Variants in JAZF1 observed in about 807,000 individuals in gnomAD.
JAZF1 encodes juxtaposed with another zinc finger protein 1.
A neutral mutation model predicts 26.4 loss-of-function variants in JAZF1; 8 were observed. The ratio of observed to expected loss-of-function variants is 0.30; its 90% CI spans 0.18 to 0.55. The LOEUF (loss-of-function observed/expected upper bound fraction) is 0.55, where lower values mean the gene tolerates loss of function less well. JAZF1 is among the 20% of genes least tolerant of loss of function. The pLI is 0.94. For missense variants in JAZF1, 199 were observed against 322.0 expected (o/e 0.62, Z 2.92); for synonymous variants, 126 against 122.3 (o/e 1.03, Z -0.20).
intron 1 of JAZF1, among the ~76,000 whole-genome samples, chr7:28,146,953 T>C (rs2127947102): frequency 6.6e-6 from 1 of 151,252 alleles, no homozygotes; most frequent in East Asian, 1.9e-4. Flanking sequence ...GCCTCCTGGG[T>C]TCAAACAATT....
intron 1 of JAZF1, among the ~76,000 whole-genome samples, chr7:28,168,458 A>C (rs1562610518): frequency 6.6e-6 from 1 of 152,180 alleles, no homozygotes; most frequent in South Asian, 2.1e-4. Flanking sequence ...AAATAATAAT[A>C]ATAAATAAAA....
chr7:27,935,565 C>A, intron 2 of JAZF1, among the ~76,000 whole-genome samples: 1 of 152,110 alleles, frequency 6.6e-6, no homozygotes, highest in East Asian at 1.9e-4. Flanking sequence ...GCAGTGACAA[C>A]TAATGTGTAC....
chr7:28,054,384 G>T (rs1234352058), intron 1 of JAZF1, among the ~76,000 whole-genome samples: 2 of 152,110 alleles, frequency 1.3e-5, no homozygotes, highest in Non-Finnish European at 2.9e-5. Context: ...ACTAGTGTAT[G>T]GCAAGGCAGT....
chr7:27,919,489 C>T (rs1225772849), intron 2 of JAZF1, among the ~76,000 whole-genome samples: 1 of 152,108 alleles, frequency 6.6e-6, no homozygotes, highest in Non-Finnish European at 1.5e-5. Flanking sequence ...GTCTACAATG[C>T]CTTAAAGCTC....
chr7:27,879,338 G>T (rs1783730180), intron 3 of JAZF1, among the ~76,000 whole-genome samples: 1 of 152,124 alleles, frequency 6.6e-6, no homozygotes, highest in South Asian at 2.1e-4. Context: ...CCAGGATGAA[G>T]CTAAGTCAAC....
intron 1 of JAZF1, 23 bp from the exon 2 acceptor site, chr7:27,992,004 A>C (rs755560394): frequency 1.4e-6 from 2 of 1,453,550 alleles, no homozygotes; most frequent in Admixed American, 1.7e-5. Flanking sequence ...CACAATTACG[A>C]TTTTTTTTAG....
At chr7:28,087,027 T>G (rs1271769348) in intron 1 of JAZF1, among the ~76,000 whole-genome samples, 1 of 152,230 alleles carries the variant, frequency 6.6e-6, no homozygotes. Flanking sequence ...ACTAATCAAT[T>G]TAATTTAATT....
At chr7:27,875,638 G>T (rs944276293) in intron 3 of JAZF1, among the ~76,000 whole-genome samples, 2 of 152,192 alleles carry the variant, frequency 1.3e-5, no homozygotes, top group African/African-American at 4.8e-5. Context: ...CTTCATCCAA[G>T]TCTGGGCTAG....
chr7:28,134,130 C>G (rs1782842146), intron 1 of JAZF1, among the ~76,000 whole-genome samples: 1 of 152,134 alleles, frequency 6.6e-6, no homozygotes, highest in Non-Finnish European at 1.5e-5. Flanking sequence ...ACTGAGCACT[C>G]CATGCATGTT....
At chr7:27,898,286 C>CATATATATATATATATATATATATAT (rs10638646) in intron 2 of JAZF1, among the ~76,000 whole-genome samples, 4 of 99,588 alleles carry the variant, frequency 4.0e-5, no homozygotes, top group African/African-American at 8.0e-5. Context: ...ACGTCTAACT[C>CATATATATATATATATATATATATAT]ATATATATAT....
chr7:27,966,304 C>T (rs572181735), intron 2 of JAZF1, among the ~76,000 whole-genome samples: 3 of 152,124 alleles, frequency 2.0e-5, no homozygotes, highest in Non-Finnish European at 4.4e-5. Flanking sequence ...TTAATCCCTA[C>T]CCACTCTTTC....
intron 1 of JAZF1, among the ~76,000 whole-genome samples, chr7:28,028,053 T>C (rs983173109): frequency 2.0e-5 from 3 of 152,328 alleles, no homozygotes; most frequent in South Asian, 2.1e-4. Context: ...TTCTAATTGG[T>C]TTATTTGAAA....
At chr7:27,960,813 G>T (rs149812565) in intron 2 of JAZF1, among the ~76,000 whole-genome samples, 118 of 152,318 alleles carry the variant, frequency 7.7e-4, no homozygotes, top group African/African-American at 2.7e-3. Flanking sequence ...GAAAAGTGCA[G>T]GAAGGTACGC....
intron 1 of JAZF1, among the ~76,000 whole-genome samples, chr7:27,996,465 T>G (rs1786018661): frequency 6.6e-6 from 1 of 152,180 alleles, no homozygotes; most frequent in Non-Finnish European, 1.5e-5. Context: ...TTTGCAGTGT[T>G]GGAAGACCCT....
chr7:27,944,844 G>T (rs1583474154), intron 2 of JAZF1, among the ~76,000 whole-genome samples: 1 of 152,142 alleles, frequency 6.6e-6, no homozygotes, highest in East Asian at 1.9e-4. Flanking sequence ...GAGACTCACT[G>T]GCCTTCCAAG....
At chr7:27,883,161 A>G (rs763746) in intron 3 of JAZF1, among the ~76,000 whole-genome samples, 112,030 of 152,080 alleles carry the variant, frequency 0.74, 41,835 homozygotes, top group African/African-American at 0.85. Context: ...CAGGGTGTGA[A>G]CAGCACAGTC....
In JAZF1 at chr7:27,840,391, C is replaced by T. The variant is rs902755429; in HGVS notation, c.555+307G>A. Among the ~76,000 whole-genome samples the T allele has an allele frequency of 1.3e-5, 2 of 152,228 alleles. No homozygotes were observed. Among genetic ancestry groups the T allele is most frequent in the African/African-American group, 4.8e-5 (2 of 41,462 alleles). On this transcript the variant is annotated intron_variant, in intron 4 of 4. Transcript: ENST00000283928. The surrounding 1 kb of genome is among the most constrained non-coding windows in gnomAD (Gnocchi z 5.1). The stretch of plus-strand genomic sequence containing the variant: ...TATTTGATATTCTGTTCTGATGGGT[C>T]CCCCAATATGACATGAATTTGAAGA...
At chr7:28,123,687 T>C (rs549698068) in intron 1 of JAZF1, among the ~76,000 whole-genome samples, 54 of 152,272 alleles carry the variant, frequency 3.5e-4, no homozygotes, top group African/African-American at 1.2e-3. Flanking sequence ...GAAATGGACA[T>C]GTATCCCTAT....
intron 1 of JAZF1, among the ~76,000 whole-genome samples, chr7:28,115,711 G>A (rs114545743): frequency 7.2e-5 from 11 of 151,940 alleles, no homozygotes; most frequent in African/African-American, 2.7e-4. Context: ...GAAGAGTATT[G>A]CCCCCTGCCT....
Sources: gnomAD v4.1 joint callset for allele counts (sites outside exome capture counted in the v4.1 genomes callset) on GRCh38, gnomAD v4.1.1 for gene constraint, Gnocchi (gnomAD v3.1) non-coding constraint, MANE v1.5 for transcripts, NCBI Gene and HGNC (gene_info 2026-07-23, HGNC 2026-07-21) for gene names.